The following ZNF678 variants were observed in gnomAD, a reference collection of about 807,000 sequenced individuals.
The protein encoded by ZNF678 is zinc finger protein 678, also known as hypothetical protein MGC42493.
Under a neutral mutation model 3.0 loss-of-function variants are expected in ZNF678, and 5 were observed. The ratio of observed to expected loss-of-function variants is 1.69; its 90% CI spans 0.88 to 3.56. The LOEUF (loss-of-function observed/expected upper bound fraction) is 3.56. ZNF678 is among the 30% of genes most tolerant of loss of function. The pLI is 0.00. For missense variants in ZNF678, 593 were observed against 605.0 expected (o/e 0.98, Z 0.21); for synonymous variants, 218 against 199.6 (o/e 1.09, Z -0.78).
chr1:227,624,418 A>G (rs994413602), intron 1 of ZNF678, among the ~76,000 whole-genome samples: 2 of 152,224 alleles, frequency 1.3e-5, no homozygotes, highest in South Asian at 2.1e-4. Flanking sequence ...TATCGCTGAA[A>G]GAGATACTGA....
rs1364974001 is a variant in ZNF678, at chr1:227,656,529, C to G, written c.*701C>G. On this transcript the variant is annotated 3_prime_UTR_variant, in exon 4 of 4. Transcript: ENST00000343776. ...GTGGTCAGTTGTTGCTGCATAAGAG[C>G]TATGAGAAGTTCTTCTATATTAGAT... The G allele has an allele frequency of 6.6e-6, 1 of 151,676 alleles. No individual in the cohort carries two copies. The highest frequency in any genetic ancestry group is 2.4e-5 in the African/African-American group (1 of 41,340). The allele number at this position is 151,676 out of a possible 1,614,324, so 9.4% of individuals were successfully genotyped here. A position where few individuals can be genotyped will look rare whatever the true frequency, so the allele number is the denominator to read the frequency against.
In ZNF678 at chr1:227,582,076, A is replaced by T. The variant is rs1657142562; in HGVS notation, c.-164+18352A>T. 2.0e-5 allele frequency among the ~76,000 whole-genome samples: 3 copies of T among 152,130 alleles called. No homozygotes were observed. In the South Asian group the frequency reaches 6.2e-4, roughly 31 times the overall value. On this transcript the variant is annotated intron_variant, in intron 1 of 3. Transcript: ENST00000343776. ...AATTTTTCTTAAGTATCAGTTTAAG[A>T]CTTTTGCATTGTTATATTGCATTGT...
At chr1:227,606,518 G>T (rs919239890) in intron 1 of ZNF678, among the ~76,000 whole-genome samples, 1 of 152,162 alleles carries the variant, frequency 6.6e-6, no homozygotes, top group Non-Finnish European at 1.5e-5. Flanking sequence ...CATTCCCAGG[G>T]ACATGCCGGA....
intron 1 of ZNF678, among the ~76,000 whole-genome samples, chr1:227,631,597 G>C (rs1450943999): frequency 1.3e-5 from 2 of 152,190 alleles, no homozygotes; most frequent in Non-Finnish European, 2.9e-5. Context: ...TCCTTTGTAG[G>C]AATATGCCCT....
At chr1:227,636,648 T>A (rs1363606112) in intron 1 of ZNF678, among the ~76,000 whole-genome samples, 2 of 152,196 alleles carry the variant, frequency 1.3e-5, no homozygotes, top group Non-Finnish European at 2.9e-5. Context: ...TTAAGGATAG[T>A]TTTTTTCTTT....
intron 1 of ZNF678, among the ~76,000 whole-genome samples, chr1:227,600,500 A>G (rs914875140): frequency 7.9e-5 from 12 of 152,142 alleles, no homozygotes; most frequent in African/African-American, 2.9e-4. Context: ...CTGGTGTGAG[A>G]TGATATCTCA....
intron 1 of ZNF678, among the ~76,000 whole-genome samples, chr1:227,584,816 C>G (rs536002999): frequency 1.3e-5 from 2 of 152,158 alleles, no homozygotes; most frequent in Non-Finnish European, 2.9e-5. Context: ...CTGGGGACAG[C>G]CAGGGTGATC....
intron 2 of ZNF678, among the ~76,000 whole-genome samples, chr1:227,648,831 C>A (rs1235581049): frequency 6.7e-6 from 1 of 148,858 alleles, no homozygotes; most frequent in African/African-American, 2.5e-5. Flanking sequence ...GACTCCATCC[C>A]AAAAAAAAAC....
intron 1 of ZNF678, among the ~76,000 whole-genome samples, chr1:227,586,217 TA>T (rs112409180): frequency 0.21 from 31,345 of 151,794 alleles, 3,666 homozygotes; most frequent in African/African-American, 0.31. Flanking sequence ...AATAAGCAAA[TA>T]AAAAAATAAT....
intron 2 of ZNF678, among the ~76,000 whole-genome samples, chr1:227,649,295 T>C (rs1659032629): frequency 6.6e-6 from 1 of 152,188 alleles, no homozygotes; most frequent in African/African-American, 2.4e-5. Context: ...TATAACGACT[T>C]CACCAATTTA....
chr1:227,623,813 G>T (rs6683151), intron 1 of ZNF678, among the ~76,000 whole-genome samples: 1 of 151,870 alleles, frequency 6.6e-6, no homozygotes, highest in Non-Finnish European at 1.5e-5. Flanking sequence ...TTTATTCTCC[G>T]TGGAAATGAA....
chr1:227,664,747 G>A (rs1283527107), downstream of ZNF678, among the ~76,000 whole-genome samples: 1 of 151,738 alleles, frequency 6.6e-6, no homozygotes, highest in Non-Finnish European at 1.5e-5. Flanking sequence ...AAATTATCTT[G>A]GGGTCTGTCA....
intron 1 of ZNF678, among the ~76,000 whole-genome samples, chr1:227,579,013 G>A (rs1558130649): frequency 2.0e-5 from 3 of 152,154 alleles, no homozygotes; most frequent in Non-Finnish European, 4.4e-5. Flanking sequence ...GATTTTAGGG[G>A]GCCAGCACTC....
rs1659283044 is a variant in ZNF678 at position 227,657,586 on chromosome 1, G to A, written c.*1758G>A. On this transcript the variant is annotated 3_prime_UTR_variant, in exon 4 of 4. Coordinates refer to ENST00000343776, the MANE Select transcript of ZNF678 (RefSeq NM_001367909.1). ...GACTATTTACAAAATGTCATACTAC[G>A]TTTTTCTTTGAGCCTGTGACCCCTC... 1 of 151,776 alleles carries A rather than the reference G, an allele frequency of 6.6e-6. No homozygotes were observed. The highest frequency in any genetic ancestry group is 1.5e-5 in the Non-Finnish European group (1 of 67,878). 9.4% of individuals were successfully genotyped at this position (151,776 alleles called of 1,614,324 possible).
chr1:227,631,971 A>G (rs1382057358), intron 1 of ZNF678, among the ~76,000 whole-genome samples: 1 of 152,238 alleles, frequency 6.6e-6, no homozygotes, highest in Admixed American at 6.5e-5. Flanking sequence ...GTACTGGGTC[A>G]TCAGTTCTAA....
chr1:227,589,975 C>T lies in ZNF678; in HGVS notation c.-164+26251C>T, dbSNP rs1182936044. ...GTGGGAGTTCTCACTTTTATCTTTA[C>T]CATCTGTGTCTCCCTGCATGACAGA... On this transcript the variant is annotated intron_variant, in intron 1 of 3. Transcript: ENST00000343776. Among the ~76,000 whole-genome samples, 7 of 151,748 alleles carry T rather than the reference C, an allele frequency of 4.6e-5. 1 individual carries two copies. The highest frequency in any genetic ancestry group is 9.7e-5 in the African/African-American group (4 of 41,178).
intron 1 of ZNF678, among the ~76,000 whole-genome samples, chr1:227,588,936 T>C (rs1324551226): frequency 6.6e-6 from 1 of 152,044 alleles, no homozygotes; most frequent in East Asian, 1.9e-4. Flanking sequence ...GCTGCATGTA[T>C]GTCTTCTTTT....
At chr1:227,626,194 A>C (rs996503444) in intron 1 of ZNF678, among the ~76,000 whole-genome samples, 5 of 152,136 alleles carry the variant, frequency 3.3e-5, no homozygotes, top group Admixed American at 1.3e-4. Context: ...CTACGATTGT[A>C]GTTACTTTCC....
chr1:227,598,427 T>C, intron 1 of ZNF678: 1 of 1,468,872 alleles, frequency 6.8e-7, no homozygotes, highest in Middle Eastern at 2.5e-4. Context: ...CTTAATGTTA[T>C]GGTGAGTCAG....
Sources: allele counts gnomAD v4.1 joint callset (sites outside exome capture counted in the v4.1 genomes callset), GRCh38; gene constraint gnomAD v4.1.1; transcripts MANE v1.5; gene names NCBI Gene and HGNC (gene_info 2026-07-23, HGNC 2026-07-21).